The following RAB19 variants were observed in gnomAD, a reference collection of about 807,000 sequenced individuals.
RAB19 encodes the protein ras-related protein Rab-19.
In RAB19, 21 loss-of-function variants were observed where a neutral mutation model predicts 17.3. The observed-to-expected ratio is 1.21, with a 90% CI of 0.86 to 1.74. The LOEUF (loss-of-function observed/expected upper bound fraction) is 1.74. Among genes scored for constraint, RAB19 ranks in the 40% most tolerant of loss-of-function variants. The pLI is 0.00. For missense variants in RAB19, 277 were observed against 286.8 expected, an observed-to-expected ratio of 0.97 and a Z score of 0.25; for synonymous variants, 126 against 110.4, an observed-to-expected ratio of 1.14 and a Z score of -0.88.
chr7:140,405,779 ACT>A (rs1308216868), intron 1 of RAB19, among the ~76,000 whole-genome samples: 2 of 115,058 alleles, frequency 1.7e-5, no homozygotes, highest in Non-Finnish European at 1.8e-5. Flanking sequence ...ACAGAGCGAG[ACT>A]CTGTCTCAAA....
chr7:140,408,437 T>G (rs1239083440), intron 2 of RAB19, among the ~76,000 whole-genome samples: 1 of 151,720 alleles, frequency 6.6e-6, no homozygotes, highest in Non-Finnish European at 1.5e-5. Context: ...CAAATTTGCT[T>G]TTTTGGGGGG....
intron 1 of RAB19, among the ~76,000 whole-genome samples, chr7:140,405,563 C>T (rs373233548): frequency 1.7e-4 from 26 of 151,370 alleles, no homozygotes; most frequent in African/African-American, 6.3e-4. Context: ...GGAGGGGGGG[C>T]GCAGGGCTCT....
At chr7:140,418,314 G>A (rs1462075973) in intron 3 of RAB19, among the ~76,000 whole-genome samples, 1 of 151,288 alleles carries the variant, frequency 6.6e-6, no homozygotes, top group Non-Finnish European at 1.5e-5. Flanking sequence ...CACTTTGGGA[G>A]GCTGAGGCGG....
intron 2 of RAB19, among the ~76,000 whole-genome samples, chr7:140,409,484 C>T (rs1449420137): frequency 6.6e-6 from 1 of 151,496 alleles, no homozygotes; most frequent in Non-Finnish European, 1.5e-5. Context: ...CACCCAAGGT[C>T]AGGAGTTCAA....
chr7:140,405,773 A>G (rs1323228910), intron 1 of RAB19, among the ~76,000 whole-genome samples: 1 of 136,390 alleles, frequency 7.3e-6, no homozygotes, highest in Non-Finnish European at 1.6e-5. Flanking sequence ...TCGGTGACAG[A>G]GCGAGACTCT....
chr7:140,420,859 G>T (rs1050339524), intron 3 of RAB19, among the ~76,000 whole-genome samples: 4 of 151,990 alleles, frequency 2.6e-5, no homozygotes, highest in Non-Finnish European at 5.9e-5. Flanking sequence ...AAAAATACCT[G>T]AAGGAAGGAA....
At chr7:140,405,284 G>A (rs952068906) in intron 1 of RAB19, among the ~76,000 whole-genome samples, 17 of 152,094 alleles carry the variant, frequency 1.1e-4, no homozygotes, top group African/African-American at 3.1e-4. Context: ...GCAATGGTGC[G>A]ATCTCGGCTC....
chr7:140,427,702 G>A lies in RAB19; in HGVS notation c.*1552G>A, dbSNP rs1333905189. ...CCTGACCTCATGATCCACCTGTCTCGTGGCCTCCCAAAGTGCTGGGATTAC... is the reference window on the plus strand; with the variant it reads ...CCTGACCTCATGATCCACCTGTCTCATGGCCTCCCAAAGTGCTGGGATTAC... On this transcript the variant is annotated 3_prime_UTR_variant, in exon 4 of 4. Coordinates refer to ENST00000537763, the MANE Select transcript of RAB19 (RefSeq NM_001008749.3). Among the ~76,000 whole-genome samples the A allele has an allele frequency of 6.6e-6, 1 of 150,970 alleles. No individual in the cohort carries two copies. Among genetic ancestry groups the A allele is most frequent in the Non-Finnish European group, 1.5e-5 (1 of 67,740 alleles).
At chr7:140,415,257 TAG>T (rs200101073) in intron 3 of RAB19, among the ~76,000 whole-genome samples, 2,368 of 152,112 alleles carry the variant, frequency 0.016, 22 homozygotes, top group South Asian at 0.028. Context: ...GTGTTTTTAG[TAG>T]AGACAGGGTT....
chr7:140,413,170 T>C (rs191010838), intron 3 of RAB19, among the ~76,000 whole-genome samples: 1 of 152,304 alleles, frequency 6.6e-6, no homozygotes, highest in African/African-American at 2.4e-5. Context: ...CTTAGCACCT[T>C]TGTCGAAAAT....
chr7:140,424,637 A>ATGTGTGTGTGTG, intron 3 of RAB19, among the ~76,000 whole-genome samples: 1 of 120,772 alleles, frequency 8.3e-6, no homozygotes, highest in African/African-American at 3.4e-5. Flanking sequence ...ATATATATAT[A>ATGTGTGTGTGTG]TATGTGTGTG....
At chr7:140,418,166 A>AT (rs761992790) in intron 3 of RAB19, among the ~76,000 whole-genome samples, 180 of 152,212 alleles carry the variant, frequency 1.2e-3, no homozygotes, top group Admixed American at 2.0e-3. Context: ...TTTTCAAAAT[A>AT]TTTTTTATTG....
intron 2 of RAB19, among the ~76,000 whole-genome samples, chr7:140,408,719 G>A (rs574137925): frequency 1.1e-4 from 17 of 151,896 alleles, no homozygotes; most frequent in African/African-American, 3.1e-4. Flanking sequence ...CAAGTGATCC[G>A]CCCACCTCTA....
intron 3 of RAB19, among the ~76,000 whole-genome samples, chr7:140,422,608 A>G (rs745545957): frequency 6.6e-5 from 10 of 151,424 alleles, no homozygotes; most frequent in Non-Finnish European, 5.9e-5. Flanking sequence ...GGCCAAGATC[A>G]CTCCACTGCA....
intron 3 of RAB19, among the ~76,000 whole-genome samples, chr7:140,412,891 G>A (rs911068991): frequency 1.3e-5 from 2 of 150,566 alleles, no homozygotes; most frequent in South Asian, 2.1e-4. Flanking sequence ...TTTGGAGGGC[G>A]AGGCAGGTAA....
chr7:140,423,470 T>C (rs1041930623), intron 3 of RAB19, among the ~76,000 whole-genome samples: 2 of 149,634 alleles, frequency 1.3e-5, no homozygotes, highest in African/African-American at 4.9e-5. Context: ...TGTTGGTCCA[T>C]GCATACTATG....
At chr7:140,405,377 C>CG (rs1563067385) in intron 1 of RAB19, among the ~76,000 whole-genome samples, 1 of 151,964 alleles carries the variant, frequency 6.6e-6, no homozygotes, top group African/African-American at 2.4e-5. Context: ...CATGCCACCA[C>CG]GCCCGGCTAA....
In RAB19 at chr7:140,411,880, G is replaced by A; in HGVS notation, c.208G>A (p.Val70Met). The change falls in exon 3 of 4, where the codon GTG (valine) becomes ATG (methionine). Residue 70 changes from valine to methionine, a missense_variant. Physicochemically the swap from Val to Met is conservative, Grantham distance 21. Transcript: ENST00000537763. ...DIDGKKVKMQ[V>M]WDTAGQERFR... Reference sequence around the variant, plus strand: ...CCTTCCTGTCCTTCTCCAGATGCAGGTGTGGGACACAGCTGGCCAGGAGCG... The same window carrying A: ...CCTTCCTGTCCTTCTCCAGATGCAGATGTGGGACACAGCTGGCCAGGAGCG... 2 of 1,614,156 alleles carry A rather than the reference G, an allele frequency of 1.2e-6. No homozygotes were observed. The highest frequency in any genetic ancestry group is 1.7e-6 in the Non-Finnish European group (2 of 1,180,028).
At chr7:140,417,817 T>TGCCTC in intron 3 of RAB19, among the ~76,000 whole-genome samples, 1 of 152,336 alleles carries the variant, frequency 6.6e-6, no homozygotes, top group East Asian at 1.9e-4. Flanking sequence ...TGGCTCTGTG[T>TGCCTC]GCCTCACCTT....
Sources: allele counts gnomAD v4.1 joint callset (sites outside exome capture counted in the v4.1 genomes callset), GRCh38; gene constraint gnomAD v4.1.1; transcripts MANE v1.5; gene names NCBI Gene and HGNC (gene_info 2026-07-23, HGNC 2026-07-21).